Variants in SYTL3 observed in about 807,000 individuals in gnomAD.
The protein encoded by SYTL3 is synaptotagmin like 3, also known as synaptotagmin-like protein 3.
In SYTL3, 88 loss-of-function variants were observed where a neutral mutation model predicts 82.1. The observed-to-expected ratio is 1.07, with a 90% confidence interval of 0.90 to 1.28. The LOEUF (loss-of-function observed/expected upper bound fraction) is 1.28, where lower values mean the gene tolerates loss of function less well. Ranked by LOEUF, SYTL3 falls within the 50% of genes most tolerant of loss-of-function variation. The probability of loss-of-function intolerance (pLI) is 0.00; values close to 1 mark genes in which losing one functional copy is unlikely to be tolerated. For missense variants in SYTL3, 831 were observed against 757.6 expected (o/e 1.10, Z -1.14); for synonymous variants, 311 against 289.4 (o/e 1.07, Z -0.76).
chr6:158,656,515 G>A (rs894821067), intron 2 of SYTL3, among the ~76,000 whole-genome samples: 5 of 152,160 alleles, frequency 3.3e-5, no homozygotes, highest in African/African-American at 1.2e-4. Context: ...CACGAGGTCA[G>A]GAGATCGAGA....
intron 11 of SYTL3, among the ~76,000 whole-genome samples, chr6:158,731,733 A>G (rs886472998): frequency 6.6e-6 from 1 of 152,158 alleles, no homozygotes; most frequent in African/African-American, 2.4e-5. Flanking sequence ...AGCTAGGACT[A>G]CAGGCGCCCG....
At chr6:158,687,135 T>C (rs950723884) in intron 6 of SYTL3, among the ~76,000 whole-genome samples, 1 of 152,244 alleles carries the variant, frequency 6.6e-6, no homozygotes, top group African/African-American at 2.4e-5. Flanking sequence ...TATTGCTGTA[T>C]AGCAAATTCC....
intron 5 of SYTL3, among the ~76,000 whole-genome samples, chr6:158,673,319 CT>C (rs1439340442): frequency 1.3e-5 from 2 of 152,000 alleles, no homozygotes; most frequent in Admixed American, 1.3e-4. Flanking sequence ...TTCTTTTGAG[CT>C]GCTCCCTCTT....
rs1170239999 is a variant in SYTL3 at position 158,762,192 on chromosome 6, G to T, written c.1517+14G>T. The T allele has an allele frequency of 6.4e-7, 1 of 1,572,022 alleles. No individual in the cohort carries two copies. Among genetic ancestry groups the T allele is most frequent in the Non-Finnish European group, 8.8e-7 (1 of 1,142,442 alleles). Reference sequence around the variant, plus strand: ...ATTTGTTAAGGGGTAGGTATTCGATGTAATCAAATATTTATTGGTGATCTA... The same window carrying T: ...ATTTGTTAAGGGGTAGGTATTCGATTTAATCAAATATTTATTGGTGATCTA... On this transcript the variant is annotated intron_variant, in intron 16 of 17. Transcript: ENST00000611299.
intron 6 of SYTL3, among the ~76,000 whole-genome samples, chr6:158,685,348 G>A (rs1779184059): frequency 6.6e-6 from 1 of 151,626 alleles, no homozygotes; most frequent in African/African-American, 2.4e-5. Context: ...TGAATAGCTG[G>A]GATTACAGGC....
At chr6:158,753,913 T>A (rs927181843) in intron 13 of SYTL3, among the ~76,000 whole-genome samples, 3 of 151,978 alleles carry the variant, frequency 2.0e-5, no homozygotes, top group Non-Finnish European at 1.5e-5. Flanking sequence ...CATCTCTAAT[T>A]GATCCTAAAT....
At chr6:158,679,899 G>A (rs1778463865) in intron 5 of SYTL3, among the ~76,000 whole-genome samples, 1 of 151,972 alleles carries the variant, frequency 6.6e-6, no homozygotes, top group African/African-American at 2.4e-5. Flanking sequence ...TTTACTTATC[G>A]ATGTTGTCCC....
At position 158,668,598 on chromosome 6, in the gene SYTL3, C is replaced by G. The variant is rs146614467; in HGVS notation, c.329+2985C>G. On this transcript the variant is annotated intron_variant, in intron 5 of 17. Coordinates refer to ENST00000611299, the MANE Select transcript of SYTL3 (RefSeq NM_001242394.2). ...GTAGGAGCTGGAGCCTGAGCATGTG[C>G]TCTTTGCCAAGCGAACACCATGCCG... Among the ~76,000 whole-genome samples the G allele has an allele frequency of 9.8e-5, 15 of 152,320 alleles. No homozygotes were observed. The East Asian group carries it at 2.9e-3, about 29-fold the overall frequency.
chr6:158,673,179 T>C (rs1043880166), intron 5 of SYTL3, among the ~76,000 whole-genome samples: 1 of 152,136 alleles, frequency 6.6e-6, no homozygotes, highest in Admixed American at 6.5e-5. Flanking sequence ...CCTCCTGCCT[T>C]GGCCTCTCGA....
upstream of SYTL3, among the ~76,000 whole-genome samples, chr6:158,647,818 GT>G (rs1787579454): frequency 6.6e-6 from 1 of 152,246 alleles, no homozygotes; most frequent in Non-Finnish European, 1.5e-5. Context: ...TCTTAGGTTT[GT>G]TTTTCAATTT....
chr6:158,701,572 G>T (rs1478258412), intron 6 of SYTL3, among the ~76,000 whole-genome samples: 1 of 145,402 alleles, frequency 6.9e-6, no homozygotes, highest in Non-Finnish European at 1.5e-5. Context: ...GTGGGGAGAG[G>T]CACAAGGCCT....
chr6:158,707,354 A>G, intron 7 of SYTL3, 73 bp downstream of exon 7: 2 of 1,352,064 alleles, frequency 1.5e-6, no homozygotes, highest in East Asian at 4.6e-5. Context: ...GCAAGAACTT[A>G]TAGGTCTCTT....
At chr6:158,709,742 A>C (rs1387495014) in intron 8 of SYTL3, among the ~76,000 whole-genome samples, 1 of 152,242 alleles carries the variant, frequency 6.6e-6, no homozygotes, top group Non-Finnish European at 1.5e-5. Flanking sequence ...AAAGATCAAA[A>C]TCCCAAAAAT....
intron 6 of SYTL3, among the ~76,000 whole-genome samples, chr6:158,695,141 G>A (rs1052375176): frequency 2.0e-5 from 3 of 152,162 alleles, no homozygotes; most frequent in Non-Finnish European, 2.9e-5. Flanking sequence ...GGCTGCTTTT[G>A]CAACAGGTTG....
intron 15 of SYTL3, 51 bp downstream of exon 15, chr6:158,760,796 C>G (rs756925544): frequency 4.8e-6 from 7 of 1,452,836 alleles, no homozygotes; most frequent in Non-Finnish European, 5.8e-6. Context: ...GTCTGCAGAG[C>G]CTGGTGCTGC....
At chr6:158,699,611 T>A (rs188180971) in intron 6 of SYTL3, among the ~76,000 whole-genome samples, 15 of 152,212 alleles carry the variant, frequency 9.9e-5, no homozygotes, top group African/African-American at 3.6e-4. Flanking sequence ...CTGCTGTGGG[T>A]AGAGGTTGTG....
At chr6:158,763,261 C>T (rs370552227) in intron 16 of SYTL3, 43 bp from the exon 17 acceptor site, 21 of 1,591,170 alleles carry the variant, frequency 1.3e-5, no homozygotes, top group African/African-American at 1.2e-4. Flanking sequence ...GAGAGAAGGC[C>T]GTGTGGATGG....
rs558355874 is a variant in SYTL3 at position 158,764,829 on chromosome 6, T to G, written c.*225T>G. ...CTGGTGGGTTATCTCCTCTTTGAGA[T>G]GTAGAAAATGGCCAGATTTTAATAA... On this transcript the variant is annotated 3_prime_UTR_variant, in exon 18 of 18. Coordinates refer to ENST00000611299, the MANE Select transcript of SYTL3 (RefSeq NM_001242394.2). 2.4e-6 allele frequency: 1 copy of G among 419,730 alleles called. No individual in the cohort carries two copies. Among genetic ancestry groups the G allele is most frequent in the African/African-American group, 2.0e-5 (1 of 49,436 alleles). The allele number at this position is 419,730 out of a possible 1,614,324, so 26.0% of individuals were successfully genotyped here. A position where few individuals can be genotyped will look rare whatever the true frequency, so the allele number is the denominator to read the frequency against.
chr6:158,763,021 T>TA (rs1481821937), intron 16 of SYTL3, among the ~76,000 whole-genome samples: 1 of 152,220 alleles, frequency 6.6e-6, no homozygotes, highest in Non-Finnish European at 1.5e-5. Context: ...TAAAAGGAGA[T>TA]AACGTGTATC....
Sources: gnomAD v4.1 joint callset for allele counts (sites outside exome capture counted in the v4.1 genomes callset) on GRCh38, gnomAD v4.1.1 for gene constraint, MANE v1.5 for transcripts, NCBI Gene and HGNC (gene_info 2026-07-23, HGNC 2026-07-21) for gene names.